The following FREM1 variants were observed in gnomAD, a reference collection of about 807,000 sequenced individuals.
FREM1 encodes FRAS1-related extracellular matrix protein 1.
A neutral mutation model predicts 210.1 loss-of-function variants in FREM1; 220 were observed. The observed-to-expected ratio is 1.05, with a 90% CI of 0.94 to 1.17. The LOEUF (loss-of-function observed/expected upper bound fraction) is 1.17. Ranked by LOEUF, FREM1 falls within the 50% of genes most tolerant of loss-of-function variation. The probability of loss-of-function intolerance (pLI) is 0.00; values close to 1 mark genes in which losing one functional copy is unlikely to be tolerated. For missense variants in FREM1, 3,454 were observed against 2,675.5 expected (o/e 1.29, Z -6.42); for synonymous variants, 1,189 against 980.2 (o/e 1.21, Z -3.98).
chr9:14,750,527 A>AT (rs1185283559), intron 29 of FREM1, among the ~76,000 whole-genome samples: 1 of 152,180 alleles, frequency 6.6e-6, no homozygotes, highest in African/African-American at 2.4e-5. Context: ...TATGCAAGGG[A>AT]TAAAAAAAAA....
chr9:14,901,817 C>T (rs1215918471), intron 1 of FREM1, among the ~76,000 whole-genome samples: 1 of 152,072 alleles, frequency 6.6e-6, no homozygotes, highest in South Asian at 2.1e-4. Context: ...AGTGGGGATT[C>T]ATAATATTGA....
At chr9:14,821,292 TA>T (rs1320643854) in intron 13 of FREM1, among the ~76,000 whole-genome samples, 3 of 150,702 alleles carry the variant, frequency 2.0e-5, no homozygotes, top group East Asian at 1.9e-4. Flanking sequence ...AAAGTAAAAA[TA>T]AAAAAAAAGA....
intron 16 of FREM1, among the ~76,000 whole-genome samples, chr9:14,809,692 T>C (rs1433052615): frequency 6.6e-6 from 1 of 152,212 alleles, no homozygotes; most frequent in Admixed American, 6.5e-5. Context: ...ACTCAGTAAA[T>C]ATTTATTCAA....
intron 25 of FREM1, among the ~76,000 whole-genome samples, chr9:14,775,086 G>C (rs952788905): frequency 6.6e-6 from 1 of 152,122 alleles, no homozygotes; most frequent in Non-Finnish European, 1.5e-5. Context: ...TATGTTTCAG[G>C]CCATATACTA....
chr9:14,864,085 TTA>T (rs367725555), intron 2 of FREM1, among the ~76,000 whole-genome samples, 182 bp from the exon 3 acceptor site: 12 of 152,212 alleles, frequency 7.9e-5, no homozygotes, highest in Admixed American at 3.3e-4. Context: ...ACCATCCTAC[TTA>T]TACAGCTGTC....
intron 25 of FREM1, among the ~76,000 whole-genome samples, chr9:14,771,626 G>C (rs976895930): frequency 3.3e-5 from 5 of 152,138 alleles, no homozygotes; most frequent in African/African-American, 1.2e-4. Context: ...ACTGATACTA[G>C]AAAACATGTA....
chr9:14,861,161 A>T (rs1830327590), intron 3 of FREM1, among the ~76,000 whole-genome samples: 1 of 137,008 alleles, frequency 7.3e-6, no homozygotes, highest in Admixed American at 7.6e-5. Context: ...ATATACGTAT[A>T]TACACATGTA....
intron 2 of FREM1, among the ~76,000 whole-genome samples, chr9:14,865,887 A>G (rs956479561): frequency 3.9e-5 from 6 of 152,194 alleles, no homozygotes; most frequent in African/African-American, 1.4e-4. Context: ...TGAGAAACAA[A>G]GTTCTCCCAT....
intron 29 of FREM1, among the ~76,000 whole-genome samples, chr9:14,753,653 T>C (rs1232379325): frequency 5.3e-5 from 8 of 152,174 alleles, no homozygotes; most frequent in Non-Finnish European, 2.9e-5. Flanking sequence ...AGCTGCCGTT[T>C]TAAAAGAAAC....
At chr9:14,869,912 G>C (rs1016483449) in intron 1 of FREM1, among the ~76,000 whole-genome samples, 1 of 152,212 alleles carries the variant, frequency 6.6e-6, no homozygotes, top group Non-Finnish European at 1.5e-5. Flanking sequence ...ATATGGACAT[G>C]CGTATTTATA....
intron 6 of FREM1, among the ~76,000 whole-genome samples, chr9:14,849,485 G>A (rs971462508): frequency 6.6e-6 from 1 of 152,196 alleles, no homozygotes; most frequent in Non-Finnish European, 1.5e-5. Flanking sequence ...TGTTGACAGA[G>A]AAGAATGAGG....
At chr9:14,781,960 C>T (rs535582285) in intron 24 of FREM1, among the ~76,000 whole-genome samples, 2 of 152,248 alleles carry the variant, frequency 1.3e-5, no homozygotes, top group Non-Finnish European at 2.9e-5. Context: ...CTGCCTCGTC[C>T]TCCTAAAGTG....
intron 26 of FREM1, among the ~76,000 whole-genome samples, chr9:14,770,139 T>TA (rs1360426517): frequency 6.6e-6 from 1 of 152,188 alleles, no homozygotes; most frequent in Non-Finnish European, 1.5e-5. Flanking sequence ...TAAAAATCTG[T>TA]AACTTGGTGC....
intron 36 of FREM1, among the ~76,000 whole-genome samples, 174 bp downstream of exon 36, chr9:14,739,975 G>C (rs1358404250): frequency 6.6e-6 from 1 of 151,852 alleles, no homozygotes; most frequent in Non-Finnish European, 1.5e-5. Context: ...AAAGTAGTGT[G>C]TCAAAAAAAA....
intron 25 of FREM1, 25 bp from the exon 26 acceptor site, chr9:14,770,831 A>C: frequency 6.4e-7 from 1 of 1,571,966 alleles, no homozygotes; most frequent in Non-Finnish European, 8.7e-7. Flanking sequence ...ATGACATAAA[A>C]TGTTGTCCAA....
intron 23 of FREM1, among the ~76,000 whole-genome samples, chr9:14,786,905 G>C (rs988617236): frequency 6.6e-6 from 1 of 152,178 alleles, no homozygotes; most frequent in Non-Finnish European, 1.5e-5. Flanking sequence ...GCACCCACGA[G>C]AGGTTTCACC....
intron 10 of FREM1, among the ~76,000 whole-genome samples, chr9:14,835,374 A>G (rs1588260464): frequency 6.6e-6 from 1 of 152,246 alleles, no homozygotes; most frequent in Non-Finnish European, 1.5e-5. Context: ...CATCAGTGCA[A>G]TAAGAATCAA....
At chr9:14,804,555 A>G (rs1376031807) in intron 19 of FREM1, among the ~76,000 whole-genome samples, 1 of 152,224 alleles carries the variant, frequency 6.6e-6, no homozygotes, top group African/African-American at 2.4e-5. Context: ...ACTGCACTCC[A>G]GCCTGGGCGA....
At chr9:14,798,805 C>T (rs1852934038) in intron 20 of FREM1, among the ~76,000 whole-genome samples, 1 of 152,004 alleles carries the variant, frequency 6.6e-6, no homozygotes, top group Admixed American at 6.5e-5. Context: ...TCCCAAGTAG[C>T]TGGGGTTACA....
Sources: allele counts gnomAD v4.1 joint callset (sites outside exome capture counted in the v4.1 genomes callset), GRCh38; gene constraint gnomAD v4.1.1; transcripts MANE v1.5; gene names NCBI Gene and HGNC (gene_info 2026-07-23, HGNC 2026-07-21).